Variants in TANC2 observed in about 807,000 individuals in gnomAD.
TANC2 encodes protein TANC2.
A neutral mutation model predicts 210.5 loss-of-function variants in TANC2; 26 were observed. That is an observed-to-expected ratio of 0.12 (90% CI 0.09 to 0.17). TANC2 has a LOEUF of 0.17. Among genes scored for constraint, TANC2 ranks in the 10% least tolerant of loss-of-function variants. The pLI is 1.00. For missense variants in TANC2, 2,129 were observed against 2,608.9 expected, an observed-to-expected ratio of 0.82 and a Z score of 4.01; for synonymous variants, 931 against 967.1, an observed-to-expected ratio of 0.96 and a Z score of 0.69.
In TANC2 at chr17:63,314,382, T is replaced by C. The variant is rs762549502; in HGVS notation, c.1160-6T>C. The C allele has an allele frequency of 6.2e-7, 1 of 1,612,904 alleles. No individual in the cohort carries two copies. Among genetic ancestry groups the C allele is most frequent in the Non-Finnish European group, 8.5e-7 (1 of 1,179,124 alleles). On this transcript the variant is annotated splice_region_variant and splice_polypyrimidine_tract_variant and intron_variant, in intron 9 of 27. Coordinates refer to ENST00000689528, the Ensembl canonical transcript of TANC2. ...CCTAAGTTCTGCATTCTCTTGTTCC[T>C]TTCAGTTCGCTTTGCACCTTATAGG... is the stretch of plus-strand genomic sequence containing the variant.
chr17:63,279,590 C>G (rs1405268885), intron 9 of TANC2, among the ~76,000 whole-genome samples: 1 of 151,952 alleles, frequency 6.6e-6, no homozygotes, highest in Non-Finnish European at 1.5e-5. Context: ...AGCTCTAAGC[C>G]TTGCTAGGAA....
intron 9 of TANC2, among the ~76,000 whole-genome samples, chr17:63,285,442 G>T (rs2044191883): frequency 6.6e-6 from 1 of 152,086 alleles, no homozygotes; most frequent in African/African-American, 2.4e-5. Context: ...ACCCTTAAGT[G>T]ATATTACACC....
At chr17:63,007,616 G>GA (rs80011907) in intron 1 of TANC2, among the ~76,000 whole-genome samples, 8,071 of 152,064 alleles carry the variant, frequency 0.053, 306 homozygotes, top group African/African-American at 0.11. Flanking sequence ...ATATCCTAGA[G>GA]ATTACTACAT....
chr17:63,030,524 T>C (rs753840050), intron 2 of TANC2, among the ~76,000 whole-genome samples: 1 of 152,102 alleles, frequency 6.6e-6, no homozygotes, highest in Non-Finnish European at 1.5e-5. Flanking sequence ...CTAGAACAAC[T>C]AATCCCTTCT....
rs541823795 is a variant in TANC2, at chr17:63,015,953, T to C, written c.67+6327T>C. On this transcript the variant is annotated intron_variant, in intron 2 of 27. Transcript: ENST00000689528. ...GTTTGATATCATTGTGTCATTGTTT[T>C]GGTAAATCATTATTCAAGTATGCTG... Among the ~76,000 whole-genome samples, 436 of 151,880 alleles carry C rather than the reference T, an allele frequency of 2.9e-3. 2 individuals carry two copies. The highest frequency in any genetic ancestry group is 4.9e-3 in the Non-Finnish European group (330 of 67,982).
In TANC2 at chr17:63,395,864, T is replaced by A. The variant is rs771360193; in HGVS notation, c.3173T>A (p.Val1058Glu). The change falls in exon 18 of 28, where the codon GTA becomes GAA. Residue 1058 changes from valine (V) to glutamate (E), a missense_variant. Around this residue, in one of 5 missense-constraint regions of TANC2, gnomAD observed 644 missense variants for 937.5 expected, o/e 0.69. Coordinates refer to ENST00000689528, the Ensembl canonical transcript of TANC2. ...ACGATGGCCGGCCAGCAGCAAGGAG[T>A]ATTTAAGAAGAGCCATGCCATCCAA... 2.5e-5 allele frequency: 41 copies of A among 1,610,748 alleles called. No individual in the cohort carries two copies. The highest frequency in any genetic ancestry group is 3.5e-5 in the Non-Finnish European group (41 of 1,178,692).
intron 10 of TANC2, 140 bp downstream of exon 10, chr17:63,314,809 A>C (rs2045262349): frequency 2.7e-6 from 3 of 1,118,438 alleles, no homozygotes; most frequent in African/African-American, 3.1e-5. Context: ...TTAGGTTGAG[A>C]GAAAGATTGT....
At chr17:63,177,760 C>T (rs1187665108) in intron 5 of TANC2, among the ~76,000 whole-genome samples, 1 of 152,150 alleles carries the variant, frequency 6.6e-6, no homozygotes, top group African/African-American at 2.4e-5. Flanking sequence ...CCAGGAGCTT[C>T]TCCTGGTGTA....
At chr17:63,416,699 C>T (rs1221688146) in intron 26 of TANC2, among the ~76,000 whole-genome samples, 1 of 152,112 alleles carries the variant, frequency 6.6e-6, no homozygotes, top group East Asian at 1.9e-4. Flanking sequence ...AAACCTATCT[C>T]AGAGAACACA....
chr17:63,020,477 A>AT (rs1291967354), intron 2 of TANC2, among the ~76,000 whole-genome samples: 1 of 151,810 alleles, frequency 6.6e-6, no homozygotes, highest in African/African-American at 2.4e-5. Flanking sequence ...CTAATTTAAA[A>AT]TTTTTTTTAT....
intron 18 of TANC2, among the ~76,000 whole-genome samples, chr17:63,398,349 C>G (rs189175356): frequency 2.0e-5 from 3 of 151,464 alleles, no homozygotes; most frequent in African/African-American, 7.3e-5. Flanking sequence ...CCAGCTAATC[C>G]GGAGGCTGAA....
At chr17:63,225,788 A>G (rs1454733085) in intron 7 of TANC2, among the ~76,000 whole-genome samples, 1 of 152,198 alleles carries the variant, frequency 6.6e-6, no homozygotes, top group African/African-American at 2.4e-5. Context: ...TATAAAACCT[A>G]ACTTTTCTGT....
chr17:63,056,980 G>T (rs2035828941), intron 2 of TANC2, among the ~76,000 whole-genome samples: 1 of 151,786 alleles, frequency 6.6e-6, no homozygotes, highest in South Asian at 2.1e-4. Flanking sequence ...CAAAGGCAAG[G>T]ATTTTTTTGT....
intron 3 of TANC2, among the ~76,000 whole-genome samples, chr17:63,091,237 G>A (rs1223631955): frequency 2.0e-5 from 3 of 152,066 alleles, no homozygotes; most frequent in Non-Finnish European, 4.4e-5. Context: ...TGTCAATTTT[G>A]GCTTTTGTTG....
intron 9 of TANC2, among the ~76,000 whole-genome samples, chr17:63,289,076 T>C (rs779222882): frequency 2.6e-4 from 40 of 152,206 alleles, no homozygotes; most frequent in African/African-American, 4.1e-4. Flanking sequence ...TGTTCCTCTA[T>C]AGATGAGGCA....
chr17:63,279,082 C>T (rs186125734), intron 9 of TANC2, among the ~76,000 whole-genome samples: 1 of 152,200 alleles, frequency 6.6e-6, no homozygotes, highest in Admixed American at 6.5e-5. Flanking sequence ...AAGAGGGTAG[C>T]TTTGTGCTTT....
chr17:63,065,315 C>G (rs2036156831), intron 2 of TANC2, among the ~76,000 whole-genome samples: 2 of 152,184 alleles, frequency 1.3e-5, no homozygotes. Context: ...TTGATGAACA[C>G]TTAGGTTGAT....
At chr17:63,175,348 A>G (rs2040538771) in intron 5 of TANC2, among the ~76,000 whole-genome samples, 1 of 151,992 alleles carries the variant, frequency 6.6e-6, no homozygotes, top group Non-Finnish European at 1.5e-5. Flanking sequence ...GCAACCTAGC[A>G]AGATCCGGTC....
chr17:63,410,825 C>T (rs1291485073), intron 21 of TANC2, among the ~76,000 whole-genome samples: 8 of 122,466 alleles, frequency 6.5e-5, no homozygotes, highest in Non-Finnish European at 1.3e-4. Flanking sequence ...TGGGCCACTG[C>T]ACTCCAGCCA....
Sources: allele counts gnomAD v4.1 joint callset (sites outside exome capture counted in the v4.1 genomes callset), GRCh38; gene constraint gnomAD v4.1.1; regional missense constraint gnomAD v4.1.1; transcripts MANE v1.5; gene names NCBI Gene and HGNC (gene_info 2026-07-23, HGNC 2026-07-21).